Variants in COL6A6 observed in about 807,000 individuals in gnomAD.
The protein encoded by COL6A6 is collagen type VI alpha 6 chain, also known as collagen alpha-6(VI) chain.
A neutral mutation model predicts 208.6 loss-of-function variants in COL6A6; 183 were observed. The observed-to-expected ratio is 0.88, with a 90% CI of 0.78 to 0.99. The LOEUF (loss-of-function observed/expected upper bound fraction) is 0.99. COL6A6 is among the 50% of genes least tolerant of loss of function. COL6A6 has a pLI of 0.00. For synonymous variants in COL6A6, 973 were observed against 1,011.8 expected, an observed-to-expected ratio of 0.96 and a Z score of 0.73; for missense variants, 2,816 against 2,815.2, an observed-to-expected ratio of 1.00 and a Z score of -0.01.
intron 2 of COL6A6, among the ~76,000 whole-genome samples, chr3:130,561,803 C>A (rs2062894031): frequency 6.6e-6 from 1 of 151,366 alleles, no homozygotes; most frequent in Non-Finnish European, 1.5e-5. Context: ...CAGGCGCCCG[C>A]CACCGCGCCC....
chr3:130,603,789 T>C (rs761174291), intron 20 of COL6A6, among the ~76,000 whole-genome samples: 17 of 152,204 alleles, frequency 1.1e-4, no homozygotes, highest in Non-Finnish European at 2.1e-4. Flanking sequence ...ATTAATGTGA[T>C]GTTTTACCAT....
chr3:130,648,699 A>G (rs2065531384), intron 32 of COL6A6, among the ~76,000 whole-genome samples: 1 of 152,232 alleles, frequency 6.6e-6, no homozygotes, highest in African/African-American at 2.4e-5. Context: ...AAAAAAAGAA[A>G]TGTGTTTAAC....
At chr3:130,667,341 A>C (rs144593129) in intron 36 of COL6A6, among the ~76,000 whole-genome samples, 423 of 152,224 alleles carry the variant, frequency 2.8e-3, no homozygotes, top group African/African-American at 9.5e-3. Context: ...GGTTCAAGCA[A>C]TTCTCCTGCC....
intron 1 of COL6A6, among the ~76,000 whole-genome samples, chr3:130,539,932 T>C (rs2062321442): frequency 6.6e-6 from 1 of 152,262 alleles, no homozygotes; most frequent in East Asian, 1.9e-4. Context: ...ATACATTTAT[T>C]GGATTTCAGG....
At chr3:130,528,479 C>T (rs2062010996) in intron 1 of COL6A6, among the ~76,000 whole-genome samples, 1 of 152,168 alleles carries the variant, frequency 6.6e-6, no homozygotes, top group Admixed American at 6.5e-5. Flanking sequence ...AGATAATAAA[C>T]ATTTTAGACT....
At position 130,563,419 on chromosome 3, in the gene COL6A6, C is replaced by T. The variant is rs760464848; in HGVS notation, c.416C>T (p.Ala139Val). 1.2e-6 allele frequency: 2 copies of T among 1,614,014 alleles called. No homozygotes were observed. The highest frequency in any genetic ancestry group is 1.7e-6 in the Non-Finnish European group (2 of 1,179,898). ...KQFPPILVVL[A>V]SSESEDNVEE... is the part of the protein sequence containing the mutation. ...TTTCCCCCAATTCTAGTGGTCCTGG[C>T]TTCATCTGAGTCTGAGGATAATGTG... is the stretch of plus-strand genomic sequence containing the variant. The change falls in exon 3 of 37, where the codon GCT becomes GTT. Residue 139 changes from alanine (A) to valine (V), a missense_variant. Ala to Val is a moderately conservative substitution (Grantham distance 64, BLOSUM62 0). Coordinates refer to ENST00000358511, the MANE Select transcript of COL6A6 (RefSeq NM_001102608.3).
At chr3:130,544,829 T>C (rs1382533614) in intron 1 of COL6A6, among the ~76,000 whole-genome samples, 1 of 152,236 alleles carries the variant, frequency 6.6e-6, no homozygotes, top group African/African-American at 2.4e-5. Flanking sequence ...TTGTATGTCA[T>C]CTTTGGAAAA....
intron 36 of COL6A6, among the ~76,000 whole-genome samples, chr3:130,672,683 C>T (rs1034526235): frequency 5.9e-5 from 9 of 151,526 alleles, no homozygotes; most frequent in African/African-American, 1.7e-4. Context: ...GGATTACAGG[C>T]GTGAGCCACC....
chr3:130,526,348 G>C (rs1577597425), intron 1 of COL6A6, among the ~76,000 whole-genome samples: 1 of 152,130 alleles, frequency 6.6e-6, no homozygotes, highest in Non-Finnish European at 1.5e-5. Flanking sequence ...ATAGTGGCTG[G>C]AGTGGAGGGA....
intron 26 of COL6A6, among the ~76,000 whole-genome samples, chr3:130,628,025 G>C (rs191824154): frequency 6.6e-6 from 1 of 152,296 alleles, no homozygotes; most frequent in Non-Finnish European, 1.5e-5. Context: ...AGACAGAAAA[G>C]AGAACTTCAA....
At chr3:130,524,126 T>C (rs1478815162) in intron 1 of COL6A6, among the ~76,000 whole-genome samples, 2 of 152,142 alleles carry the variant, frequency 1.3e-5, no homozygotes, top group Non-Finnish European at 2.9e-5. Flanking sequence ...TTACAGGCAA[T>C]GTAACTGGGT....
At chr3:130,577,208 A>C (rs1033805443) in intron 8 of COL6A6, among the ~76,000 whole-genome samples, 2 of 152,132 alleles carry the variant, frequency 1.3e-5, no homozygotes, top group African/African-American at 4.8e-5. Flanking sequence ...TTCATTTATA[A>C]ATGTGGAAAC....
rs1323520319 is a variant in COL6A6 at position 130,645,074 on chromosome 3, A to T, written c.5239+72A>T. 6 of 1,443,514 alleles carry T rather than the reference A, an allele frequency of 4.2e-6. No homozygotes were observed. In the African/African-American group the frequency reaches 7.0e-5, roughly 17 times the overall value. The allele number at this position is 1,443,514 out of a possible 1,614,324, so 89.4% of individuals were successfully genotyped here. On this transcript the variant is annotated intron_variant, in intron 32 of 36. Transcript: ENST00000358511. ...TCATACATCTGGAAAGATGAGTTAGAGCAATGTATTGGCTTCCAAATGACA... is the reference window on the plus strand; with the variant it reads ...TCATACATCTGGAAAGATGAGTTAGTGCAATGTATTGGCTTCCAAATGACA...
intron 34 of COL6A6, among the ~76,000 whole-genome samples, chr3:130,660,992 A>G (rs895314667): frequency 6.6e-6 from 1 of 152,126 alleles, no homozygotes; most frequent in Admixed American, 6.5e-5. Context: ...TTTTATTACT[A>G]TGCATTCTTT....
intron 35 of COL6A6, among the ~76,000 whole-genome samples, chr3:130,663,187 A>G (rs2088404428): frequency 6.6e-6 from 1 of 152,176 alleles, no homozygotes; most frequent in Non-Finnish European, 1.5e-5. Flanking sequence ...ACACAGACTT[A>G]TCAGTCAGTG....
chr3:130,668,361 C>T lies in COL6A6; in HGVS notation c.6596+3265C>T, dbSNP rs148035551. Among the ~76,000 whole-genome samples the T allele has an allele frequency of 2.7e-3, 408 of 152,120 alleles. 2 individuals are homozygous for T. Among genetic ancestry groups the T allele is most frequent in the African/African-American group, 9.5e-3 (394 of 41,484 alleles). On this transcript the variant is annotated intron_variant, in intron 36 of 36. Coordinates refer to ENST00000358511, the MANE Select transcript of COL6A6 (RefSeq NM_001102608.3). Reference sequence around the variant, plus strand: ...GGCGTGGTGGCGGGCATCTGTAATCCCAGCTACTCGGGAGGCTGAGGCAGG... The same window carrying T: ...GGCGTGGTGGCGGGCATCTGTAATCTCAGCTACTCGGGAGGCTGAGGCAGG...
intron 22 of COL6A6, among the ~76,000 whole-genome samples, chr3:130,610,397 T>G (rs1040035733): frequency 1.3e-5 from 2 of 152,112 alleles, no homozygotes; most frequent in Non-Finnish European, 2.9e-5. Context: ...GCTCAACCAT[T>G]CAGTATTTTT....
chr3:130,622,704 A>C (rs1231495116), intron 24 of COL6A6, among the ~76,000 whole-genome samples: 1 of 151,900 alleles, frequency 6.6e-6, no homozygotes, highest in East Asian at 1.9e-4. Flanking sequence ...AAAAATTCAA[A>C]AATTTAGCCG....
chr3:130,673,445 A>G (rs2066281719), intron 36 of COL6A6, among the ~76,000 whole-genome samples: 1 of 150,166 alleles, frequency 6.7e-6, no homozygotes, highest in Non-Finnish European at 1.5e-5. Flanking sequence ...AAGAAAACAA[A>G]GGACCTAACG....
Sources: allele counts gnomAD v4.1 joint callset (sites outside exome capture counted in the v4.1 genomes callset), GRCh38; gene constraint gnomAD v4.1.1; transcripts MANE v1.5; gene names NCBI Gene and HGNC (gene_info 2026-07-23, HGNC 2026-07-21).